VTCN1: variants seen among roughly 807,000 people sequenced by gnomAD.
The protein encoded by VTCN1 is V-set domain-containing T-cell activation inhibitor 1.
Under a neutral mutation model 26.5 loss-of-function variants are expected in VTCN1, and 26 were observed. That is an observed-to-expected ratio of 0.98 (90% CI 0.72 to 1.36). The LOEUF is 1.36. VTCN1 is among the 40% of genes most tolerant of loss of function. The pLI, the probability that VTCN1 is intolerant of heterozygous loss-of-function variation, is 0.00. For missense variants in VTCN1, 298 were observed against 337.7 expected (o/e 0.88, Z 0.92); for synonymous variants, 116 against 130.7 (o/e 0.89, Z 0.77).
chr1:117,174,056 TTG>T (rs2101533548), intron 1 of VTCN1, among the ~76,000 whole-genome samples: 1 of 98,274 alleles, frequency 1.0e-5, no homozygotes, highest in East Asian at 1.1e-3. Flanking sequence ...AAATTAATTC[TTG>T]CCTATTGCTT....
rs1179140236 is a variant in VTCN1 at position 117,183,976 on chromosome 1, A to C, written c.33-13805T>G. On this transcript the variant is annotated intron_variant, in intron 1 of 5. Coordinates refer to ENST00000369458, the MANE Select transcript of VTCN1 (RefSeq NM_024626.4). The surrounding 1 kb of genome is among the most constrained non-coding windows in gnomAD (Gnocchi z 4.1). Reference sequence around the variant, plus strand: ...AAGCTTCTGTCTTCAGAGCCATACCAAACACCAGAGACAAAGCTAAGGGGC... The same window carrying C: ...AAGCTTCTGTCTTCAGAGCCATACCCAACACCAGAGACAAAGCTAAGGGGC... Among the ~76,000 whole-genome samples, 1 of 152,114 alleles carries C rather than the reference A, an allele frequency of 6.6e-6. No homozygotes were observed. Among genetic ancestry groups the C allele is most frequent in the Non-Finnish European group, 1.5e-5 (1 of 68,022 alleles).
rs115700055 is a variant in VTCN1 at position 117,192,069 on chromosome 1, G to A, written c.32+18755C>T. 3.8e-3 allele frequency among the ~76,000 whole-genome samples: 581 copies of A among 151,688 alleles called. 3 individuals carry two copies. The highest frequency in any genetic ancestry group is 0.013 in the African/African-American group (556 of 41,332). On this transcript the variant is annotated intron_variant, in intron 1 of 5. Transcript: ENST00000369458. ...CAGAGCTCAAAAGATTTTAAGCAGCGTCCCCAAAGAATATTACTCCAAGAC... is the reference window on the plus strand; with the variant it reads ...CAGAGCTCAAAAGATTTTAAGCAGCATCCCCAAAGAATATTACTCCAAGAC...
chr1:117,187,724 T>C (rs911333836), intron 1 of VTCN1, among the ~76,000 whole-genome samples: 3 of 152,138 alleles, frequency 2.0e-5, no homozygotes, highest in African/African-American at 7.2e-5. Flanking sequence ...TAACAGGATG[T>C]TACATTTAAA....
intron 1 of VTCN1, among the ~76,000 whole-genome samples, chr1:117,178,802 G>C (rs549942455): frequency 3.3e-5 from 5 of 151,960 alleles, no homozygotes; most frequent in African/African-American, 9.7e-5. Context: ...TGTGGCCCAA[G>C]CTGGTCTCAA....
At chr1:117,195,639 G>T (rs1424692839) in intron 1 of VTCN1, among the ~76,000 whole-genome samples, 3 of 152,108 alleles carry the variant, frequency 2.0e-5, no homozygotes, top group Non-Finnish European at 4.4e-5. Context: ...CTGGAAAAAG[G>T]CTTTAGTGAA....
At chr1:117,171,990 G>A (rs995991290) in intron 1 of VTCN1, among the ~76,000 whole-genome samples, 6 of 152,156 alleles carry the variant, frequency 3.9e-5, no homozygotes, top group African/African-American at 1.4e-4. Flanking sequence ...CAGAGCAGAA[G>A]GCATAGGTCA....
chr1:117,153,460 C>CG, intron 3 of VTCN1, 91 bp from the exon 4 acceptor site: 1 of 981,514 alleles, frequency 1.0e-6, no homozygotes, highest in Non-Finnish European at 1.4e-6. Flanking sequence ...AAAATGCAGT[C>CG]ATTTTTTTTT....
intron 1 of VTCN1, among the ~76,000 whole-genome samples, chr1:117,203,383 A>G (rs977885796): frequency 6.6e-6 from 1 of 152,128 alleles, no homozygotes; most frequent in African/African-American, 2.4e-5. Context: ...CCTAAATTTT[A>G]TGGATGCACT....
chr1:117,185,012 G>A (rs1647866491), intron 1 of VTCN1, among the ~76,000 whole-genome samples: 1 of 152,118 alleles, frequency 6.6e-6, no homozygotes, highest in Non-Finnish European at 1.5e-5. Context: ...ACAAATGCTG[G>A]TACCTCTAAT....
intron 2 of VTCN1, among the ~76,000 whole-genome samples, chr1:117,165,012 C>T (rs937416877): frequency 6.6e-6 from 1 of 152,210 alleles, no homozygotes; most frequent in Non-Finnish European, 1.5e-5. Context: ...AATAGAATTT[C>T]TTTCTGTATT....
At chr1:117,186,653 A>AT (rs1647958855) in intron 1 of VTCN1, among the ~76,000 whole-genome samples, 1 of 152,068 alleles carries the variant, frequency 6.6e-6, no homozygotes, top group Admixed American at 6.6e-5. Context: ...GGGGCCCCTT[A>AT]TTTTCCCTCT....
intron 2 of VTCN1, among the ~76,000 whole-genome samples, chr1:117,160,065 C>G (rs1441890975): frequency 6.6e-6 from 1 of 152,144 alleles, no homozygotes; most frequent in African/African-American, 2.4e-5. Context: ...ACTGAATCTT[C>G]TTGAGAGGCT....
At chr1:117,190,123 C>T (rs1476642785) in intron 1 of VTCN1, among the ~76,000 whole-genome samples, 3 of 152,228 alleles carry the variant, frequency 2.0e-5, no homozygotes, top group African/African-American at 7.2e-5. Context: ...GACTGCAGAT[C>T]AGCCTATGAC....
intron 1 of VTCN1, among the ~76,000 whole-genome samples, chr1:117,208,776 A>T (rs1261709168): frequency 2.0e-5 from 3 of 152,204 alleles, no homozygotes; most frequent in Non-Finnish European, 4.4e-5. Context: ...TCCATCCCTG[A>T]GCAGCATGCA....
At chr1:117,152,761 T>C (rs1042196945) in intron 4 of VTCN1, among the ~76,000 whole-genome samples, 3 of 152,180 alleles carry the variant, frequency 2.0e-5, no homozygotes, top group Admixed American at 6.5e-5. Flanking sequence ...GTCAAGTAAT[T>C]ATCACTTCCT....
chr1:117,202,828 C>T (rs536079277), intron 1 of VTCN1, among the ~76,000 whole-genome samples: 4 of 152,234 alleles, frequency 2.6e-5, no homozygotes, highest in African/African-American at 9.6e-5. Flanking sequence ...TGCCACGAAA[C>T]CAGGATGAAC....
At chr1:117,185,511 C>G (rs1162627833) in intron 1 of VTCN1, among the ~76,000 whole-genome samples, 3 of 151,888 alleles carry the variant, frequency 2.0e-5, no homozygotes, top group African/African-American at 7.3e-5. Context: ...TGGCCAAGGG[C>G]ATTCCAAAGT....
At position 117,143,623 on chromosome 1, in the gene VTCN1, C is replaced by G. The variant is rs1000243313; in HGVS notation, c.*1648G>C. ...ATGTATATTTAATCATTCTCTTGAA[C>G]GATCAGAACTCTAAAATCAGTTTTC... On this transcript the variant is annotated 3_prime_UTR_variant, in exon 6 of 6. Transcript: ENST00000369458. The G allele has an allele frequency of 6.6e-6, 1 of 152,162 alleles. No homozygotes were observed. The highest frequency in any genetic ancestry group is 1.5e-5 in the Non-Finnish European group (1 of 68,050). The allele number at this position is 152,162 out of a possible 1,614,324, so 9.4% of individuals were successfully genotyped here. A position where few individuals can be genotyped will look rare whatever the true frequency, so the allele number is the denominator to read the frequency against.
chr1:117,205,298 G>A lies in VTCN1; in HGVS notation c.32+5526C>T, dbSNP rs568848672. ...CAGTCCCGAGTAGCTGGGACTACAG[G>A]CATGTACCACCACACCTTGTTGATT... On this transcript the variant is annotated intron_variant, in intron 1 of 5. Transcript: ENST00000369458. Among the ~76,000 whole-genome samples the A allele has an allele frequency of 2.6e-5, 4 of 151,912 alleles. No homozygotes were observed. The East Asian group carries it at 7.7e-4, about 29-fold the overall frequency.
Sources: gnomAD v4.1 joint callset for allele counts (sites outside exome capture counted in the v4.1 genomes callset) on GRCh38, gnomAD v4.1.1 for gene constraint, Gnocchi (gnomAD v3.1) non-coding constraint, MANE v1.5 for transcripts, NCBI Gene and HGNC (gene_info 2026-07-23, HGNC 2026-07-21) for gene names.